C5orf58: variants seen among roughly 807,000 people sequenced by gnomAD.
C5orf58 encodes chromosome 5 open reading frame 58, also known as putative uncharacterized protein C5orf58.
A neutral mutation model predicts 2.9 loss-of-function variants in C5orf58; 2 were observed. The ratio of observed to expected loss-of-function variants is 0.69; its 90% CI spans 0.28 to 2.18. The LOEUF is 2.18. C5orf58 is among the 30% of genes most tolerant of loss of function. The probability of loss-of-function intolerance (pLI) is 0.13; values close to 1 mark genes in which losing one functional copy is unlikely to be tolerated. For synonymous variants in C5orf58, 37 were observed against 33.4 expected (o/e 1.11, Z -0.37); for missense variants, 96 against 91.7 (o/e 1.05, Z -0.19).
intron 3 of C5orf58, among the ~76,000 whole-genome samples, chr5:170,242,885 G>T (rs996218405): frequency 3.4e-5 from 5 of 146,258 alleles, no homozygotes; most frequent in Non-Finnish European, 7.6e-5. Context: ...GTCAATTTTG[G>T]ATCTTTCCTG....
intron 3 of C5orf58, among the ~76,000 whole-genome samples, chr5:170,245,128 G>A (rs373523858): frequency 5.3e-5 from 8 of 152,300 alleles, no homozygotes; most frequent in African/African-American, 7.2e-5. Context: ...CAGTCTGCCC[G>A]TTCTCAGATC....
chr5:170,242,868 T>G (rs1761079804), intron 3 of C5orf58, among the ~76,000 whole-genome samples: 1 of 150,024 alleles, frequency 6.7e-6, no homozygotes, highest in Admixed American at 6.6e-5. Flanking sequence ...AATTGTGATG[T>G]TAGGGTGTCA....
At chr5:170,248,588 T>G, downstream of C5orf58, 1 of 1,137,612 alleles carries the variant, frequency 8.8e-7, no homozygotes, top group Non-Finnish European at 1.3e-6. Flanking sequence ...CTTGTGTTCA[T>G]GGGGAGGGGT....
chr5:170,251,516 A>C, intron 2 of C5orf58: 1 of 354,778 alleles, frequency 2.8e-6, no homozygotes, highest in Non-Finnish European at 5.8e-6. Context: ...TACTGTAAAG[A>C]TCTAATATTA....
chr5:170,235,110 A>T (rs1309951340), intron 3 of C5orf58, 40 bp downstream of exon 3: 2 of 1,062,858 alleles, frequency 1.9e-6, no homozygotes, highest in Non-Finnish European at 2.8e-6. Flanking sequence ...TGTCATTGTT[A>T]TAAAATAAAT....
intron 3 of C5orf58, among the ~76,000 whole-genome samples, chr5:170,236,662 A>G (rs1198218554): frequency 6.6e-6 from 1 of 152,086 alleles, no homozygotes; most frequent in Non-Finnish European, 1.5e-5. Context: ...TGCATGTTCT[A>G]TGCTCCAGCT....
downstream of C5orf58, among the ~76,000 whole-genome samples, chr5:170,249,001 C>T (rs1761363790): frequency 6.6e-6 from 1 of 152,152 alleles, no homozygotes; most frequent in Non-Finnish European, 1.5e-5. Flanking sequence ...AAAAATTCCT[C>T]ATAAACATCC....
intron 3 of C5orf58, among the ~76,000 whole-genome samples, chr5:170,238,779 A>C (rs1308171752): frequency 1.3e-5 from 2 of 152,212 alleles, no homozygotes; most frequent in Admixed American, 6.5e-5. Flanking sequence ...GGAAATCTGA[A>C]AAAAATATGA....
chr5:170,247,050 A>G (rs1240747017), downstream of C5orf58: 1 of 152,176 alleles, frequency 6.6e-6, no homozygotes. Context: ...CATTTTAGAT[A>G]TTTTTGAATT....
downstream of C5orf58, chr5:170,248,832 A>G: frequency 6.2e-7 from 1 of 1,611,412 alleles, no homozygotes. Context: ...GAAAGAGTCA[A>G]GATAGGGAGA....
chr5:170,246,479 TGACTTG>T (rs1318502528), downstream of C5orf58: 1 of 164,052 alleles, frequency 6.1e-6, no homozygotes, highest in Non-Finnish European at 1.3e-5. Context: ...TTGAGTCATG[TGACTTG>T]GAAGCACATA....
chr5:170,250,185 T>C (rs989821300), downstream of C5orf58, among the ~76,000 whole-genome samples: 11 of 152,174 alleles, frequency 7.2e-5, no homozygotes. Context: ...GCCCTGAGGG[T>C]TTCTTTCCAT....
downstream of C5orf58, chr5:170,248,875 C>T (rs200285093): frequency 1.8e-4 from 285 of 1,580,454 alleles, no homozygotes; most frequent in Non-Finnish European, 2.4e-4. Context: ...GCAGGAACTT[C>T]ACTTTCAGTT....
chr5:170,252,457 C>T (rs770217056), downstream of C5orf58: 3 of 1,584,966 alleles, frequency 1.9e-6, no homozygotes, highest in Non-Finnish European at 2.6e-6. Context: ...CTAAGAGCAG[C>T]TTCTGCCTCT....
At chr5:170,241,989 G>C (rs1160030035) in intron 3 of C5orf58, among the ~76,000 whole-genome samples, 10 of 148,290 alleles carry the variant, frequency 6.7e-5, no homozygotes, top group East Asian at 2.0e-4. Flanking sequence ...TAGCATGAAG[G>C]GTTGTTGAAT....
At position 170,245,618 on chromosome 5, in the gene C5orf58, G is replaced by A. The variant is rs146041108; in HGVS notation, c.95-344G>A. Among the ~76,000 whole-genome samples, 359 of 152,318 alleles carry A rather than the reference G, an allele frequency of 2.4e-3. 1 individual carries two copies. The highest frequency in any genetic ancestry group is 8.0e-3 in the African/African-American group (334 of 41,580). ...CACTTCCCAAGTGAGGCAATGCCTC[G>A]CCCTGCTTCGGCTCGCACACCGTGC... On this transcript the variant is annotated intron_variant, in intron 3 of 3. Transcript: ENST00000593851.
At chr5:170,244,571 C>T (rs952511442) in intron 3 of C5orf58, among the ~76,000 whole-genome samples, 8 of 152,206 alleles carry the variant, frequency 5.3e-5, no homozygotes, top group South Asian at 4.1e-4. Flanking sequence ...TTGATCTCAT[C>T]GGCTCCTGAG....
chr5:170,248,941 AAAATGT>A, downstream of C5orf58: 1 of 968,816 alleles, frequency 1.0e-6, no homozygotes, highest in Non-Finnish European at 1.5e-6. Flanking sequence ...GTGGGGGGAA[AAAATGT>A]AAATGTGGCA....
downstream of C5orf58, chr5:170,248,743 C>G: frequency 1.2e-6 from 2 of 1,609,892 alleles, no homozygotes; most frequent in South Asian, 1.1e-5. Flanking sequence ...GTATCTGGAA[C>G]CTCGGTTTTT....
Sources: allele counts gnomAD v4.1 joint callset (sites outside exome capture counted in the v4.1 genomes callset), GRCh38; gene constraint gnomAD v4.1.1; transcripts MANE v1.5; gene names NCBI Gene and HGNC (gene_info 2026-07-23, HGNC 2026-07-21).